Variants in PLPP4 observed in about 807,000 individuals in gnomAD.
PLPP4 encodes phospholipid phosphatase 4, also known as diacylglycerol pyrophosphate like 2.
PLPP4 carries 20 observed loss-of-function variants against 32.2 expected under a neutral mutation model. The ratio of observed to expected loss-of-function variants is 0.62; its 90% confidence interval spans 0.44 to 0.90. The LOEUF is 0.90. PLPP4 is among the 40% of genes least tolerant of loss of function. The probability of loss-of-function intolerance (pLI) is 0.00; values close to 1 mark genes in which losing one functional copy is unlikely to be tolerated. For synonymous variants in PLPP4, 127 were observed against 133.0 expected (o/e 0.95, Z 0.31); for missense variants, 257 against 353.1 (o/e 0.73, Z 2.18).
intron 1 of PLPP4, among the ~76,000 whole-genome samples, chr10:120,471,843 T>C (rs1475230677): frequency 6.6e-6 from 1 of 152,016 alleles, no homozygotes; most frequent in African/African-American, 2.4e-5. Context: ...AGTTAGATAC[T>C]TGTTTGTATT....
intron 1 of PLPP4, among the ~76,000 whole-genome samples, chr10:120,483,310 G>A (rs1345452292): frequency 2.6e-5 from 4 of 152,122 alleles, no homozygotes; most frequent in African/African-American, 4.8e-5. Context: ...AGCCTATCAT[G>A]GGCCTTTACC....
chr10:120,578,217 A>G (rs1849312261), intron 6 of PLPP4, among the ~76,000 whole-genome samples: 1 of 152,216 alleles, frequency 6.6e-6, no homozygotes, highest in South Asian at 2.1e-4. Context: ...CTCAATTATT[A>G]AGGGAGAAAT....
In PLPP4 at chr10:120,521,076, C is replaced by T. The variant is rs754081575; in HGVS notation, c.426C>T (p.Phe142=). 2 of 1,614,100 alleles carry T rather than the reference C, an allele frequency of 1.2e-6. No individual in the cohort carries two copies. Among genetic ancestry groups the T allele is most frequent in the Non-Finnish European group, 1.7e-6 (2 of 1,180,000 alleles). The stretch of plus-strand genomic sequence containing the variant: ...TGGTGTCCGAGGGCCGCAAAAGCTT[C>T]CCCAGCATCCATTCCTCCTGTAAGT... ...PDLVSEGRKS[F]PSIHSSFAFS... The change falls in exon 5 of 7, where the codon TTC becomes TTT. Residue 142 remains phenylalanine, a synonymous_variant. Coordinates refer to ENST00000398250, the MANE Select transcript of PLPP4 (RefSeq NM_001030059.3).
chr10:120,549,480 G>T (rs770334144), intron 5 of PLPP4, among the ~76,000 whole-genome samples: 3 of 151,774 alleles, frequency 2.0e-5, no homozygotes, highest in Non-Finnish European at 4.4e-5. Flanking sequence ...AAAGCCAGAA[G>T]AACAGGGAAC....
intron 5 of PLPP4, among the ~76,000 whole-genome samples, chr10:120,532,700 G>A (rs1846797947): frequency 6.6e-6 from 1 of 151,870 alleles, no homozygotes; most frequent in Non-Finnish European, 1.5e-5. Context: ...TGCCTATTCT[G>A]GACATTTCAT....
chr10:120,458,123 C>T (rs1847877632), intron 1 of PLPP4, among the ~76,000 whole-genome samples: 1 of 152,158 alleles, frequency 6.6e-6, no homozygotes, highest in African/African-American at 2.4e-5. Flanking sequence ...CCCAGGGACC[C>T]ACCGCTCATT....
At chr10:120,524,801 A>C (rs1352255539) in intron 5 of PLPP4, among the ~76,000 whole-genome samples, 1 of 152,214 alleles carries the variant, frequency 6.6e-6, no homozygotes, top group Admixed American at 6.5e-5. Flanking sequence ...TTAGGCTTTA[A>C]AGTGGAGAAA....
intron 1 of PLPP4, among the ~76,000 whole-genome samples, chr10:120,463,923 T>C (rs1249775752): frequency 6.6e-6 from 1 of 152,148 alleles, no homozygotes; most frequent in African/African-American, 2.4e-5. Context: ...CAAGCAATCC[T>C]CCCACCTCAG....
chr10:120,464,079 A>G (rs1302753235), intron 1 of PLPP4, among the ~76,000 whole-genome samples: 1 of 152,202 alleles, frequency 6.6e-6, no homozygotes, highest in Non-Finnish European at 1.5e-5. Context: ...TGCTGGGATT[A>G]TAGGTGTGAA....
intron 5 of PLPP4, among the ~76,000 whole-genome samples, chr10:120,556,005 C>A (rs1448051243): frequency 6.6e-6 from 1 of 152,194 alleles, no homozygotes; most frequent in Non-Finnish European, 1.5e-5. Flanking sequence ...GACTGCCCCC[C>A]TCTGCTTTCT....
intron 5 of PLPP4, among the ~76,000 whole-genome samples, chr10:120,556,072 C>G (rs554804692): frequency 6.6e-6 from 1 of 152,280 alleles, no homozygotes; most frequent in East Asian, 1.9e-4. Context: ...GTGACTATTG[C>G]CAGAGACCTG....
intron 5 of PLPP4, among the ~76,000 whole-genome samples, chr10:120,574,116 A>C (rs1849067717): frequency 7.5e-6 from 1 of 132,524 alleles, no homozygotes; most frequent in South Asian, 2.6e-4. Context: ...CACCATTAGA[A>C]TCATCTGGGG....
intron 5 of PLPP4, among the ~76,000 whole-genome samples, chr10:120,531,304 C>G (rs1485006089): frequency 6.6e-6 from 1 of 151,958 alleles, no homozygotes; most frequent in East Asian, 1.9e-4. Flanking sequence ...CGGGGATTCA[C>G]CGTGTTGGCC....
At chr10:120,482,566 G>A (rs1844255565) in intron 1 of PLPP4, among the ~76,000 whole-genome samples, 1 of 152,126 alleles carries the variant, frequency 6.6e-6, no homozygotes, top group African/African-American at 2.4e-5. Flanking sequence ...GGGAAGCAGA[G>A]CATGAAAGTT....
intron 5 of PLPP4, among the ~76,000 whole-genome samples, chr10:120,574,129 TACACACAC>T (rs751622346): frequency 1.4e-3 from 77 of 56,982 alleles, no homozygotes; most frequent in South Asian, 3.8e-3. Flanking sequence ...ATCTGGGGAG[TACACACAC>T]ACACACACAC....
intron 6 of PLPP4, 75 bp from the exon 7 acceptor site, chr10:120,589,228 C>T: frequency 6.9e-7 from 1 of 1,457,860 alleles, no homozygotes. Flanking sequence ...AGGAAAAGTG[C>T]TTTCTGGAAA....
chr10:120,528,802 T>G (rs899472208), intron 5 of PLPP4, among the ~76,000 whole-genome samples: 5 of 152,208 alleles, frequency 3.3e-5, no homozygotes, highest in African/African-American at 1.2e-4. Context: ...GTTTTGTTTT[T>G]TTATCACTCC....
chr10:120,462,187 T>G, intron 1 of PLPP4, among the ~76,000 whole-genome samples: 1 of 121,532 alleles, frequency 8.2e-6, no homozygotes, highest in African/African-American at 3.2e-5. Context: ...ATATTTTGGG[T>G]GGAGATGAGG....
intron 5 of PLPP4, among the ~76,000 whole-genome samples, chr10:120,566,797 C>A (rs1205708619): frequency 6.6e-6 from 1 of 152,212 alleles, no homozygotes; most frequent in Non-Finnish European, 1.5e-5. Flanking sequence ...TCAGGTGATC[C>A]ACCTGCCCCA....
Sources: allele counts gnomAD v4.1 joint callset (sites outside exome capture counted in the v4.1 genomes callset), GRCh38; gene constraint gnomAD v4.1.1; transcripts MANE v1.5; gene names NCBI Gene and HGNC (gene_info 2026-07-23, HGNC 2026-07-21).